The following DNAJC24 variants were observed in gnomAD, a reference collection of about 807,000 sequenced individuals.
DNAJC24 encodes dnaJ homolog subfamily C member 24.
DNAJC24 carries 17 observed loss-of-function variants against 18.0 expected under a neutral mutation model. The ratio of observed to expected loss-of-function variants is 0.94; its 90% confidence interval spans 0.65 to 1.42. The LOEUF (loss-of-function observed/expected upper bound fraction) is 1.42, where lower values mean the gene tolerates loss of function less well. DNAJC24 is among the 40% of genes most tolerant of loss of function. The probability of loss-of-function intolerance (pLI) is 0.00; values close to 1 mark genes in which losing one functional copy is unlikely to be tolerated. For missense variants in DNAJC24, 158 were observed against 175.6 expected, an observed-to-expected ratio of 0.90 and a Z score of 0.57; for synonymous variants, 55 against 57.7, an observed-to-expected ratio of 0.95 and a Z score of 0.21.
chr11:31,382,095 G>T (rs966778693), intron 2 of DNAJC24, among the ~76,000 whole-genome samples: 1 of 152,122 alleles, frequency 6.6e-6, no homozygotes. Context: ...ACTGTTTCCA[G>T]GTGCTGTGGA....
chr11:31,423,227 A>T (rs1032625011), intron 3 of DNAJC24, among the ~76,000 whole-genome samples: 1 of 152,126 alleles, frequency 6.6e-6, no homozygotes, highest in African/African-American at 2.4e-5. Context: ...TTCACAGTAA[A>T]CACACCCATT....
intron 2 of DNAJC24, among the ~76,000 whole-genome samples, chr11:31,377,300 GTAATGCT>G (rs1952326300): frequency 2.0e-5 from 3 of 152,102 alleles, no homozygotes; most frequent in African/African-American, 7.2e-5. Context: ...TTTTGTAAAT[GTAATGCT>G]TACTCAGGGT....
intron 2 of DNAJC24, among the ~76,000 whole-genome samples, chr11:31,391,280 T>A (rs1464859192): frequency 1.3e-5 from 2 of 152,160 alleles, no homozygotes; most frequent in African/African-American, 4.8e-5. Flanking sequence ...GGCTTTCCTC[T>A]AAGATCTGGA....
At chr11:31,418,857 T>A (rs147527458) in intron 3 of DNAJC24, among the ~76,000 whole-genome samples, 248 of 152,176 alleles carry the variant, frequency 1.6e-3, no homozygotes, top group African/African-American at 5.7e-3. Flanking sequence ...AGGATAAATA[T>A]TTGGGAAGAT....
chr11:31,388,331 A>G (rs2167298), intron 2 of DNAJC24, among the ~76,000 whole-genome samples: 43,813 of 152,076 alleles, frequency 0.29, 6,425 homozygotes, highest in African/African-American at 0.33. Context: ...TCAGATTCCC[A>G]AAGGTCAAGG....
At chr11:31,412,155 A>T (rs1952716002) in intron 2 of DNAJC24, among the ~76,000 whole-genome samples, 2 of 152,164 alleles carry the variant, frequency 1.3e-5, no homozygotes, top group African/African-American at 4.8e-5. Flanking sequence ...ATAAAATTTA[A>T]TAATATTTTT....
intron 2 of DNAJC24, among the ~76,000 whole-genome samples, chr11:31,401,286 A>C (rs1952598911): frequency 6.6e-6 from 1 of 152,324 alleles, no homozygotes; most frequent in South Asian, 2.1e-4. Flanking sequence ...GGGAGTGTAA[A>C]TTAGTTATCT....
In DNAJC24 at chr11:31,428,574, A is replaced by G. The variant is rs550779458; in HGVS notation, c.320-1697A>G. Among the ~76,000 whole-genome samples the G allele has an allele frequency of 5.9e-5, 9 of 152,296 alleles. No homozygotes were observed. The South Asian group carries it at 1.9e-3, about 32-fold the overall frequency. On this transcript the variant is annotated intron_variant, in intron 4 of 4. Transcript: ENST00000465995. ...AAGTGAAGCTCCAGAACAGGAGAAAAGTTCATGAAACCCTACAGGATAGAC... is the reference window on the plus strand; with the variant it reads ...AAGTGAAGCTCCAGAACAGGAGAAAGGTTCATGAAACCCTACAGGATAGAC...
chr11:31,400,046 A>G (rs1444887150), intron 2 of DNAJC24, among the ~76,000 whole-genome samples: 1 of 152,138 alleles, frequency 6.6e-6, no homozygotes, highest in Non-Finnish European at 1.5e-5. Context: ...TTGGCTGAGA[A>G]TGATGACTTC....
At chr11:31,370,120 C>T (rs1042024068) in intron 1 of DNAJC24, among the ~76,000 whole-genome samples, 1 of 152,126 alleles carries the variant, frequency 6.6e-6, no homozygotes, top group African/African-American at 2.4e-5. Flanking sequence ...ACTGGGGCAT[C>T]CTCGCGTAGA....
intron 2 of DNAJC24, among the ~76,000 whole-genome samples, chr11:31,412,852 A>G (rs1467691130): frequency 6.6e-6 from 1 of 152,194 alleles, no homozygotes; most frequent in African/African-American, 2.4e-5. Flanking sequence ...CCAGGATAGC[A>G]TTTGCTGTGC....
At position 31,370,866 on chromosome 11, in the gene DNAJC24, C is replaced by G. The variant is rs1952230062; in HGVS notation, c.111+7C>G. 5 of 1,532,180 alleles carry G rather than the reference C, an allele frequency of 3.3e-6. No individual in the cohort carries two copies. The East Asian group carries it at 9.1e-5, about 28-fold the overall frequency. The allele number at this position is 1,532,180 out of a possible 1,614,324, so 94.9% of individuals were successfully genotyped here. On this transcript the variant is annotated splice_region_variant and intron_variant, in intron 2 of 4. Coordinates refer to ENST00000465995, the MANE Select transcript of DNAJC24 (RefSeq NM_181706.5). Reference sequence around the variant, plus strand: ...TCAAAAACTCATATTAATGGTAAGTCTTTTCTTTCAGATTTTAAATCATGA... The same window carrying G: ...TCAAAAACTCATATTAATGGTAAGTGTTTTCTTTCAGATTTTAAATCATGA...
intron 2 of DNAJC24, among the ~76,000 whole-genome samples, chr11:31,407,909 TAAAA>T (rs913805166): frequency 4.8e-5 from 7 of 145,216 alleles, no homozygotes; most frequent in South Asian, 2.2e-4. Flanking sequence ...GCCCCTCTCT[TAAAA>T]AAAAAAAAAT....
chr11:31,387,454 G>C (rs958909018), intron 2 of DNAJC24, among the ~76,000 whole-genome samples: 2 of 152,128 alleles, frequency 1.3e-5, no homozygotes, highest in East Asian at 3.9e-4. Flanking sequence ...CAAGAGCCTG[G>C]CTAGTAATCC....
chr11:31,408,128 CCT>C (rs1367575605), intron 2 of DNAJC24: 6 of 456,044 alleles, frequency 1.3e-5, no homozygotes, highest in Admixed American at 4.7e-5. Context: ...ATTTTTTCCC[CCT>C]CTTTTTGGTG....
intron 2 of DNAJC24, among the ~76,000 whole-genome samples, chr11:31,406,841 G>A (rs1362138824): frequency 6.6e-6 from 1 of 151,954 alleles, no homozygotes; most frequent in Non-Finnish European, 1.5e-5. Flanking sequence ...GAGGGAAAGA[G>A]GGGTTACCCT....
At chr11:31,407,139 G>T (rs1034893454) in intron 2 of DNAJC24, among the ~76,000 whole-genome samples, 2 of 152,128 alleles carry the variant, frequency 1.3e-5, no homozygotes, top group Non-Finnish European at 2.9e-5. Context: ...TTAATACATA[G>T]GGAAAACCAA....
intron 2 of DNAJC24, among the ~76,000 whole-genome samples, chr11:31,392,506 A>G (rs1334412945): frequency 6.6e-6 from 1 of 152,164 alleles, no homozygotes; most frequent in Non-Finnish European, 1.5e-5. Flanking sequence ...TCAAGGTAAT[A>G]TTAAATAAAT....
Position 31,426,372 on chromosome 11 carries a change from C to A in DNAJC24, c.319+17C>A. 2 of 1,362,366 alleles carry A rather than the reference C, an allele frequency of 1.5e-6. No homozygotes were observed. Among genetic ancestry groups the A allele is most frequent in the African/African-American group, 1.6e-5 (1 of 61,078 alleles). 84.4% of individuals were successfully genotyped at this position (1,362,366 alleles called of 1,614,324 possible). The stretch of plus-strand genomic sequence containing the variant: ...GGAATGAAGGTTGGATTTTTTTTTT[C>A]TCTTGACAACATTTAAAAAAAAAAG... On this transcript the variant is annotated intron_variant, in intron 4 of 4. Coordinates refer to ENST00000465995, the MANE Select transcript of DNAJC24 (RefSeq NM_181706.5).
Sources: allele counts gnomAD v4.1 joint callset (sites outside exome capture counted in the v4.1 genomes callset), GRCh38; gene constraint gnomAD v4.1.1; transcripts MANE v1.5; gene names NCBI Gene and HGNC (gene_info 2026-07-23, HGNC 2026-07-21).